Variants in SIAH3 observed in about 807,000 individuals in gnomAD.
The protein encoded by SIAH3 is seven in absentia homolog 3.
SIAH3 carries 9 observed loss-of-function variants against 12.6 expected under a neutral mutation model. That is an observed-to-expected ratio of 0.72 (90% CI 0.43 to 1.25). The LOEUF is 1.25. Ranked by LOEUF, SIAH3 falls within the 50% of genes most tolerant of loss-of-function variation. SIAH3 has a pLI of 0.00. For synonymous variants in SIAH3, 154 were observed against 151.1 expected (o/e 1.02, Z -0.14); for missense variants, 390 against 365.4 (o/e 1.07, Z -0.55).
chr13:45,819,583 TAG>T (rs984918098), intron 1 of SIAH3, among the ~76,000 whole-genome samples: 4 of 152,204 alleles, frequency 2.6e-5, no homozygotes, highest in African/African-American at 9.7e-5. Context: ...AATTGGTATT[TAG>T]GAGGAACATA....
At chr13:45,823,737 C>T (rs559194805) in intron 1 of SIAH3, among the ~76,000 whole-genome samples, 1 of 152,206 alleles carries the variant, frequency 6.6e-6, no homozygotes, top group Non-Finnish European at 1.5e-5. Flanking sequence ...GATGCAAAGG[C>T]CTTCAGGGCC....
At chr13:45,785,721 C>T (rs1950525864) in intron 1 of SIAH3, among the ~76,000 whole-genome samples, 1 of 152,200 alleles carries the variant, frequency 6.6e-6, no homozygotes, top group Non-Finnish European at 1.5e-5. Flanking sequence ...CCTCATTCTT[C>T]CCCCAGAAGT....
At chr13:45,832,310 C>A (rs754800713) in intron 1 of SIAH3, among the ~76,000 whole-genome samples, 5 of 152,194 alleles carry the variant, frequency 3.3e-5, no homozygotes, top group Non-Finnish European at 5.9e-5. Context: ...AACCTTTCCT[C>A]GCTCCAAAGA....
intron 1 of SIAH3, among the ~76,000 whole-genome samples, chr13:45,838,463 C>T (rs1950726851): frequency 6.6e-6 from 1 of 152,138 alleles, no homozygotes; most frequent in African/African-American, 2.4e-5. Context: ...TGCTCATCAG[C>T]CCTCCTGCTT....
chr13:45,810,224 G>A (rs373006760), intron 1 of SIAH3, among the ~76,000 whole-genome samples: 4 of 152,194 alleles, frequency 2.6e-5, no homozygotes, highest in African/African-American at 7.2e-5. Flanking sequence ...GATCAGAGAC[G>A]AGTGGCCCAG....
chr13:45,847,622 C>CAT (rs1555260272), intron 1 of SIAH3, among the ~76,000 whole-genome samples: 1 of 146,836 alleles, frequency 6.8e-6, no homozygotes, highest in Non-Finnish European at 1.5e-5. Context: ...TCCATGTGTT[C>CAT]GTGTGTGTGT....
chr13:45,825,895 C>T (rs1313422375), intron 1 of SIAH3, among the ~76,000 whole-genome samples: 1 of 152,138 alleles, frequency 6.6e-6, no homozygotes, highest in East Asian at 1.9e-4. Context: ...CAAAGGCTCC[C>T]TCCCCTGACC....
At chr13:45,814,264 C>T (rs929669981) in intron 1 of SIAH3, among the ~76,000 whole-genome samples, 4 of 129,934 alleles carry the variant, frequency 3.1e-5, no homozygotes, top group African/African-American at 1.2e-4. Context: ...AAAAAAAATA[C>T]AGTCCATAAC....
In SIAH3 at chr13:45,781,404, G is replaced by C. The variant is rs527959577; in HGVS notation, c.*1979C>G. On this transcript the variant is annotated 3_prime_UTR_variant, in exon 2 of 2. Transcript: ENST00000400405. ...AAGGGGATTGGGGATGCAGTGAGGA[G>C]GAAGACAGCCAGTCTTTCCACGCAC... 6.6e-6 allele frequency: 1 copy of C among 152,386 alleles called. No individual in the cohort carries two copies. Among genetic ancestry groups the C allele is most frequent in the South Asian group, 2.1e-4 (1 of 4,832 alleles). The allele number at this position is 152,386 out of a possible 1,614,324, so 9.4% of individuals were successfully genotyped here.
rs1424758959 is a variant in SIAH3, at chr13:45,781,249, T to C, written c.*2134A>G. On this transcript the variant is annotated 3_prime_UTR_variant, in exon 2 of 2. Coordinates refer to ENST00000400405, the MANE Select transcript of SIAH3 (RefSeq NM_198849.3). Reference sequence around the variant, plus strand: ...TTAGTTATATTCTTAGTGAGGTTTTTGTTTGTTGATCTGGAGCACCTGTGA... The same window carrying C: ...TTAGTTATATTCTTAGTGAGGTTTTCGTTTGTTGATCTGGAGCACCTGTGA... 1 of 152,652 alleles carries C rather than the reference T, an allele frequency of 6.6e-6. No individual in the cohort carries two copies. The highest frequency in any genetic ancestry group is 1.5e-5 in the Non-Finnish European group (1 of 68,048). 9.5% of individuals were successfully genotyped at this position (152,652 alleles called of 1,614,324 possible). A position where few individuals can be genotyped will look rare whatever the true frequency, so the allele number is the denominator to read the frequency against.
intron 1 of SIAH3, among the ~76,000 whole-genome samples, chr13:45,845,187 A>ATTTTTTTTTTTTTTTT (rs34053407): frequency 7.1e-6 from 1 of 140,480 alleles, no homozygotes. Context: ...TGTTTTATGC[A>ATTTTTTTTTTTTTTTT]TTTTTTTTTT....
chr13:45,799,608 C>G (rs977593304), intron 1 of SIAH3, among the ~76,000 whole-genome samples: 1 of 152,140 alleles, frequency 6.6e-6, no homozygotes, highest in Non-Finnish European at 1.5e-5. Context: ...GGAGGATGGT[C>G]TTTCCCAAGG....
intron 1 of SIAH3, among the ~76,000 whole-genome samples, chr13:45,850,309 G>A (rs1338436033): frequency 6.6e-6 from 1 of 152,204 alleles, no homozygotes; most frequent in Admixed American, 6.5e-5. Context: ...CGGGGCTCCA[G>A]CTGAGGACAG....
At chr13:45,790,023 T>G (rs1018786554) in intron 1 of SIAH3, among the ~76,000 whole-genome samples, 1 of 152,248 alleles carries the variant, frequency 6.6e-6, no homozygotes, top group Non-Finnish European at 1.5e-5. Context: ...TTTCTCACTT[T>G]ATGAATGGGT....
intron 1 of SIAH3, among the ~76,000 whole-genome samples, chr13:45,796,435 C>T (rs780667688): frequency 3.3e-5 from 5 of 151,988 alleles, no homozygotes; most frequent in Non-Finnish European, 5.9e-5. Context: ...AGGTTGCCTG[C>T]GATACCAGTA....
intron 1 of SIAH3, among the ~76,000 whole-genome samples, chr13:45,829,856 G>A (rs944066385): frequency 3.3e-5 from 5 of 151,920 alleles, no homozygotes; most frequent in East Asian, 1.9e-4. Flanking sequence ...TTTTAGAGGC[G>A]CTTGGGTTCG....
At chr13:45,808,291 C>T (rs1247583150) in intron 1 of SIAH3, among the ~76,000 whole-genome samples, 2 of 152,168 alleles carry the variant, frequency 1.3e-5, no homozygotes, top group Non-Finnish European at 2.9e-5. Flanking sequence ...CAAAAAATTA[C>T]AGAAATAGTC....
intron 1 of SIAH3, among the ~76,000 whole-genome samples, chr13:45,834,238 C>T (rs557784739): frequency 6.6e-6 from 1 of 152,296 alleles, no homozygotes; most frequent in South Asian, 2.1e-4. Context: ...AGCAATTATT[C>T]CCAGCTTTTG....
rs1950783091 is a variant in SIAH3 at position 45,851,710 on chromosome 13, C to T, written c.-81G>A. On this transcript the variant is annotated 5_prime_UTR_variant, in exon 1 of 2. Coordinates refer to ENST00000400405, the MANE Select transcript of SIAH3 (RefSeq NM_198849.3). ...TTGGGCCCTGGAAGGAGCGCAGCCTCTGAGACACTCCGCTCCAGCCCGGCT... is the reference window on the plus strand; with the variant it reads ...TTGGGCCCTGGAAGGAGCGCAGCCTTTGAGACACTCCGCTCCAGCCCGGCT... 2 of 1,570,988 alleles carry T rather than the reference C, an allele frequency of 1.3e-6. No individual in the cohort carries two copies. The highest frequency in any genetic ancestry group is 1.7e-6 in the Non-Finnish European group (2 of 1,148,438).
Sources: gnomAD v4.1 joint callset for allele counts (sites outside exome capture counted in the v4.1 genomes callset) on GRCh38, gnomAD v4.1.1 for gene constraint, MANE v1.5 for transcripts, NCBI Gene and HGNC (gene_info 2026-07-23, HGNC 2026-07-21) for gene names.